ASIC2: variants seen among roughly 807,000 people sequenced by gnomAD.
ASIC2 encodes acid-sensing ion channel 2.
A neutral mutation model predicts 57.3 loss-of-function variants in ASIC2; 25 were observed. The ratio of observed to expected loss-of-function variants is 0.44; its 90% CI spans 0.32 to 0.61. The LOEUF (loss-of-function observed/expected upper bound fraction) is 0.61. Among genes scored for constraint, ASIC2 ranks in the 20% least tolerant of loss-of-function variants. ASIC2 has a pLI of 0.06. For synonymous variants in ASIC2, 319 were observed against 307.5 expected, an observed-to-expected ratio of 1.04 and a Z score of -0.39; for missense variants, 641 against 738.1, an observed-to-expected ratio of 0.87 and a Z score of 1.52.
At chr17:33,935,660 G>C (rs1177569783) in intron 1 of ASIC2, 2 of 152,136 alleles carry the variant, frequency 1.3e-5, no homozygotes, top group African/African-American at 2.4e-5. Flanking sequence ...TTGTGGATGA[G>C]GAAACTACAG....
At chr17:33,384,573 C>T (rs1028722335) in intron 1 of ASIC2, among the ~76,000 whole-genome samples, 1 of 152,132 alleles carries the variant, frequency 6.6e-6, no homozygotes, top group African/African-American at 2.4e-5. Context: ...TCCCTAGACT[C>T]CCCCAGTCCA....
chr17:33,310,225 C>A (rs1210995701), intron 1 of ASIC2, among the ~76,000 whole-genome samples: 1 of 151,800 alleles, frequency 6.6e-6, no homozygotes, highest in Non-Finnish European at 1.5e-5. Context: ...GGGGGCAGGG[C>A]AAAGTGGTAC....
intron 1 of ASIC2, among the ~76,000 whole-genome samples, chr17:33,915,087 A>G (rs1369580513): frequency 1.3e-5 from 2 of 152,214 alleles, no homozygotes; most frequent in South Asian, 2.1e-4. Flanking sequence ...GGCCTGCCAG[A>G]TAGATGTCAA....
chr17:33,281,028 A>G (rs1191378463), intron 1 of ASIC2, among the ~76,000 whole-genome samples: 1 of 152,196 alleles, frequency 6.6e-6, no homozygotes, highest in Non-Finnish European at 1.5e-5. Flanking sequence ...GGAAGAAGAG[A>G]GAGTTTACAG....
At chr17:34,099,208 GA>G (rs1319407028) in intron 1 of ASIC2, among the ~76,000 whole-genome samples, 2 of 103,368 alleles carry the variant, frequency 1.9e-5, no homozygotes, top group African/African-American at 8.4e-5. Flanking sequence ...AAGAAAGAAA[GA>G]AAGGAAAGAA....
intron 1 of ASIC2, among the ~76,000 whole-genome samples, chr17:33,172,927 G>T (rs985159335): frequency 2.6e-5 from 4 of 152,188 alleles, no homozygotes; most frequent in African/African-American, 9.7e-5. Context: ...TTTGGAGAGA[G>T]GCAAACCAGA....
intron 1 of ASIC2, among the ~76,000 whole-genome samples, chr17:33,394,658 G>A (rs1368782292): frequency 6.6e-6 from 1 of 152,142 alleles, no homozygotes; most frequent in Non-Finnish European, 1.5e-5. Context: ...GGCACCCAGG[G>A]AGGCAAAATT....
intron 1 of ASIC2, among the ~76,000 whole-genome samples, chr17:33,665,083 G>A (rs1907426569): frequency 6.6e-6 from 1 of 151,964 alleles, no homozygotes; most frequent in Non-Finnish European, 1.5e-5. Context: ...TCAGAAAGGT[G>A]AAATGAGTTA....
chr17:33,105,021 A>G (rs1851524210), intron 2 of ASIC2, among the ~76,000 whole-genome samples: 1 of 152,182 alleles, frequency 6.6e-6, no homozygotes, highest in African/African-American at 2.4e-5. Flanking sequence ...CAATTTCAGC[A>G]TTGTGTTTCC....
intron 1 of ASIC2, among the ~76,000 whole-genome samples, chr17:33,745,914 G>T (rs545114593): frequency 5.9e-5 from 9 of 151,994 alleles, no homozygotes; most frequent in Non-Finnish European, 1.3e-4. Flanking sequence ...ATAAATGCAC[G>T]TTTCTTCTTT....
In ASIC2 at chr17:34,083,219, G is replaced by C. The variant is rs191089722; in HGVS notation, c.555+72759C>G. 2.1e-3 allele frequency among the ~76,000 whole-genome samples: 279 copies of C among 133,936 alleles called. 2 individuals are homozygous for C. The highest frequency in any genetic ancestry group is 3.5e-3 in the Non-Finnish European group (227 of 65,778). 87.9% of individuals were successfully genotyped at this position (133,936 alleles called of 152,430 possible). A position where few individuals can be genotyped will look rare whatever the true frequency, so the allele number is the denominator to read the frequency against. On this transcript the variant is annotated intron_variant, in intron 1 of 9. Coordinates refer to the ASIC2 transcript ENST00000359872. The stretch of plus-strand genomic sequence containing the variant: ...CCCAGAGTGTGATGTTGCCCTTCCT[G>C]TGTCCATATGTTCTCACTGTTCAAT...
intron 1 of ASIC2, among the ~76,000 whole-genome samples, chr17:33,694,778 G>A (rs1374792247): frequency 6.6e-6 from 1 of 152,160 alleles, no homozygotes. Context: ...GGATGCTACT[G>A]TCTCCATCTC....
intron 1 of ASIC2, among the ~76,000 whole-genome samples, chr17:33,177,217 C>A (rs996274703): frequency 8.5e-5 from 13 of 152,182 alleles, no homozygotes; most frequent in Non-Finnish European, 1.9e-4. Flanking sequence ...GGCCTCTGAT[C>A]TGCTTAATGA....
At chr17:33,633,973 T>A (rs1906261963) in intron 1 of ASIC2, among the ~76,000 whole-genome samples, 2 of 152,320 alleles carry the variant, frequency 1.3e-5, no homozygotes, top group South Asian at 4.1e-4. Context: ...TTAATCTGTG[T>A]CCCAGGATCC....
intron 1 of ASIC2, among the ~76,000 whole-genome samples, chr17:33,900,523 A>C (rs1358015786): frequency 2.0e-5 from 3 of 152,180 alleles, no homozygotes; most frequent in African/African-American, 7.2e-5. Context: ...TAAAAATCTA[A>C]TTACTAGTTG....
chr17:34,013,820 T>C (rs1044028408), intron 1 of ASIC2, among the ~76,000 whole-genome samples: 1 of 152,184 alleles, frequency 6.6e-6, no homozygotes, highest in African/African-American at 2.4e-5. Flanking sequence ...GCATGCACTC[T>C]CCAGGCAGGG....
In ASIC2 at chr17:33,581,170, C is replaced by T. The variant is rs188494860; in HGVS notation, c.556-469103G>A. On this transcript the variant is annotated intron_variant, in intron 1 of 9. Transcript: ENST00000359872. The stretch of plus-strand genomic sequence containing the variant: ...TGTTCTTAAAGGCAGAAGAGGAGGA[C>T]AGCAGGTGAAGTCAGAGAGATTCAA... The T allele has an allele frequency of 8.9e-4, 135 of 152,322 alleles. 1 individual carries two copies. Among genetic ancestry groups the T allele is most frequent in the African/African-American group, 3.1e-3 (130 of 41,570 alleles). The allele number at this position is 152,322 out of a possible 1,614,324, so 9.4% of individuals were successfully genotyped here.
chr17:34,022,101 T>TG (rs1278859794), intron 1 of ASIC2, among the ~76,000 whole-genome samples: 1 of 152,130 alleles, frequency 6.6e-6, no homozygotes, highest in East Asian at 1.9e-4. Context: ...CCTTCCAAAG[T>TG]GGGGGGTTGG....
chr17:33,398,288 T>A (rs899871273), intron 1 of ASIC2, among the ~76,000 whole-genome samples: 1 of 152,202 alleles, frequency 6.6e-6, no homozygotes, highest in Non-Finnish European at 1.5e-5. Flanking sequence ...ATATAGCAGG[T>A]GCCCACTAAA....
Sources: allele counts gnomAD v4.1 joint callset (sites outside exome capture counted in the v4.1 genomes callset), GRCh38; gene constraint gnomAD v4.1.1; transcripts MANE v1.5; gene names NCBI Gene and HGNC (gene_info 2026-07-23, HGNC 2026-07-21).